Variants in RCOR3 observed in about 807,000 individuals in gnomAD.
RCOR3 encodes the protein REST corepressor 3.
In RCOR3, 13 loss-of-function variants were observed where a neutral mutation model predicts 64.1. The observed-to-expected ratio is 0.20, with a 90% CI of 0.13 to 0.32. RCOR3 has a LOEUF of 0.32. Among genes scored for constraint, RCOR3 ranks in the 10% least tolerant of loss-of-function variants. The pLI is 1.00. For synonymous variants in RCOR3, 215 were observed against 239.0 expected, an observed-to-expected ratio of 0.90 and a Z score of 0.93; for missense variants, 489 against 701.2, an observed-to-expected ratio of 0.70 and a Z score of 3.42.
chr1:211,310,944 CTGAT>C (rs1244905864), intron 10 of RCOR3, among the ~76,000 whole-genome samples: 2 of 152,124 alleles, frequency 1.3e-5, no homozygotes, highest in African/African-American at 4.8e-5. Flanking sequence ...AAATTAGTAA[CTGAT>C]AGAACACTAT....
chr1:211,309,911 T>C (rs1701315762), intron 10 of RCOR3, among the ~76,000 whole-genome samples: 1 of 152,152 alleles, frequency 6.6e-6, no homozygotes, highest in African/African-American at 2.4e-5. Context: ...TAGAGTTTGC[T>C]TAGATGCTAG....
In RCOR3 at chr1:211,271,294, A is replaced by G; in HGVS notation, c.286A>G (p.Ile96Val). The change falls in exon 3 of 12, where the codon ATC becomes GTC. Residue 96 changes from isoleucine (I) to valine (V), a missense_variant. Around this residue, in one of 2 missense-constraint regions of RCOR3, gnomAD observed 402 missense variants for 617.0 expected, o/e 0.65. Transcript: ENST00000419091. ...GMLVWSPYHS[I>V]PDAKLDEYIA... ...GCTTGTATGGTCTCCATATCACAGT[A>G]TCCCAGATGCCAAATGTAAGTTTTC... 1 of 1,613,328 alleles carries G rather than the reference A, an allele frequency of 6.2e-7. No individual in the cohort carries two copies.
At chr1:211,311,177 C>T (rs992933515) in intron 10 of RCOR3, among the ~76,000 whole-genome samples, 3 of 152,134 alleles carry the variant, frequency 2.0e-5, no homozygotes, top group Non-Finnish European at 4.4e-5. Flanking sequence ...AGAATTTATA[C>T]TTAACTGTGA....
At position 211,313,312 on chromosome 1, in the gene RCOR3, T is replaced by G; in HGVS notation, c.1318-112T>G. 6.9e-7 allele frequency: 1 copy of G among 1,459,296 alleles called. No homozygotes were observed. Among genetic ancestry groups the G allele is most frequent in the Non-Finnish European group, 9.0e-7 (1 of 1,109,450 alleles). 90.4% of individuals were successfully genotyped at this position (1,459,296 alleles called of 1,614,324 possible). A position where few individuals can be genotyped will look rare whatever the true frequency, so the allele number is the denominator to read the frequency against. ...GCTTCCAATAAACACTGGTGTTATGTTTTTGTTTTGTTTTGATTTGTTTTG... is the reference window on the plus strand; with the variant it reads ...GCTTCCAATAAACACTGGTGTTATGGTTTTGTTTTGTTTTGATTTGTTTTG... On this transcript the variant is annotated intron_variant, in intron 11 of 11. Transcript: ENST00000419091. The surrounding 1 kb of genome is among the most constrained non-coding windows in gnomAD (Gnocchi z 4.7).
intron 7 of RCOR3, among the ~76,000 whole-genome samples, chr1:211,280,839 C>T (rs1017470014): frequency 5.3e-5 from 8 of 151,956 alleles, no homozygotes; most frequent in East Asian, 3.9e-4. Flanking sequence ...CAAAATTAGC[C>T]GGGGCGTGGT....
At chr1:211,272,612 C>CTTTTTTTTTTTTT in intron 3 of RCOR3, among the ~76,000 whole-genome samples, 1 of 43,518 alleles carries the variant, frequency 2.3e-5, no homozygotes, top group Non-Finnish European at 3.8e-5. Flanking sequence ...GGATGTCTTA[C>CTTTTTTTTTTTTT]TTTTTTTTTT....
At chr1:211,311,470 T>A (rs1369378277) in intron 10 of RCOR3, among the ~76,000 whole-genome samples, 1 of 152,186 alleles carries the variant, frequency 6.6e-6, no homozygotes, top group Non-Finnish European at 1.5e-5. Context: ...AAATGCTTAT[T>A]TCCAAATTCT....
intron 2 of RCOR3, among the ~76,000 whole-genome samples, chr1:211,261,675 A>G (rs1694295833): frequency 6.6e-6 from 1 of 152,082 alleles, no homozygotes. Context: ...TAATCCCAGC[A>G]CTTTGGGAGG....
chr1:211,262,653 C>T (rs2102416734), intron 2 of RCOR3, among the ~76,000 whole-genome samples: 1 of 152,270 alleles, frequency 6.6e-6, no homozygotes, highest in South Asian at 2.1e-4. Flanking sequence ...AAGAGCCAGA[C>T]TTAATGCTGG....
intron 3 of RCOR3, chr1:211,271,952 C>G (rs1696261101): frequency 6.3e-6 from 1 of 159,112 alleles, no homozygotes; most frequent in African/African-American, 2.4e-5. Context: ...AACAACGACA[C>G]TGAACAGTTA....
At chr1:211,282,660 G>A (rs138504892) in intron 7 of RCOR3, among the ~76,000 whole-genome samples, 4,258 of 152,076 alleles carry the variant, frequency 0.028, 77 homozygotes, top group South Asian at 0.073. Context: ...CACCATGCCT[G>A]GCTAATTTTT....
chr1:211,307,481 A>G (rs1393701818), intron 10 of RCOR3, among the ~76,000 whole-genome samples: 1 of 135,220 alleles, frequency 7.4e-6, no homozygotes, highest in African/African-American at 2.8e-5. Flanking sequence ...ACTCTGACTC[A>G]AAAAAAAAAG....
At chr1:211,309,723 A>G (rs1011606326) in intron 10 of RCOR3, among the ~76,000 whole-genome samples, 1 of 152,234 alleles carries the variant, frequency 6.6e-6, no homozygotes, top group African/African-American at 2.4e-5. Flanking sequence ...GATTTTATCA[A>G]CTATGAAAAA....
At chr1:211,275,833 T>C (rs1696881013) in intron 4 of RCOR3, among the ~76,000 whole-genome samples, 1 of 152,246 alleles carries the variant, frequency 6.6e-6, no homozygotes, top group African/African-American at 2.4e-5. Context: ...GTCTCTCTAC[T>C]AAACCCCAAC....
chr1:211,272,526 GA>G (rs1369579932), intron 3 of RCOR3, among the ~76,000 whole-genome samples: 5 of 148,150 alleles, frequency 3.4e-5, no homozygotes, highest in African/African-American at 1.2e-4. Context: ...ATCACTTGGG[GA>G]ATTTTTTTTT....
chr1:211,281,405 C>T (rs1001247510), intron 7 of RCOR3, among the ~76,000 whole-genome samples: 4 of 152,130 alleles, frequency 2.6e-5, no homozygotes, highest in Admixed American at 2.6e-4. Context: ...GTTCTCGTCT[C>T]CTCTGAATTA....
chr1:211,269,512 G>A (rs1483778685), intron 2 of RCOR3, among the ~76,000 whole-genome samples: 3 of 152,028 alleles, frequency 2.0e-5, no homozygotes, highest in Admixed American at 6.6e-5. Flanking sequence ...CAGGAGAATC[G>A]CTTGAACCTG....
intron 8 of RCOR3, among the ~76,000 whole-genome samples, chr1:211,290,043 C>T (rs1699054695): frequency 1.3e-5 from 2 of 152,166 alleles, no homozygotes; most frequent in South Asian, 4.1e-4. Flanking sequence ...TAAAACAGTG[C>T]CTGGCGCATA....
At chr1:211,263,399 T>G (rs4951517) in intron 2 of RCOR3, among the ~76,000 whole-genome samples, 2 of 152,114 alleles carry the variant, frequency 1.3e-5, no homozygotes, top group South Asian at 2.1e-4. Flanking sequence ...AAATGTTACT[T>G]TTTTTAAAGT....
Sources: allele counts gnomAD v4.1 joint callset (sites outside exome capture counted in the v4.1 genomes callset), GRCh38; gene constraint gnomAD v4.1.1; regional missense constraint gnomAD v4.1.1; non-coding constraint Gnocchi (gnomAD v3.1); transcripts MANE v1.5; gene names NCBI Gene and HGNC (gene_info 2026-07-23, HGNC 2026-07-21).